The following EYA4 variants were observed in gnomAD, a reference collection of about 807,000 sequenced individuals.
The protein encoded by EYA4 is protein phosphatase EYA4.
In EYA4, 31 loss-of-function variants were observed where a neutral mutation model predicts 87.9. The observed-to-expected ratio is 0.35, with a 90% CI of 0.27 to 0.48. The LOEUF (loss-of-function observed/expected upper bound fraction) is 0.48, where lower values mean the gene tolerates loss of function less well. EYA4 is among the 20% of genes least tolerant of loss of function. The probability of loss-of-function intolerance (pLI) is 0.99; values close to 1 mark genes in which losing one functional copy is unlikely to be tolerated. For missense variants in EYA4, 678 were observed against 761.4 expected (o/e 0.89, Z 1.29); for synonymous variants, 263 against 270.6 (o/e 0.97, Z 0.28).
At chr6:133,443,758 A>AT (rs1389027469) in intron 3 of EYA4, among the ~76,000 whole-genome samples, 5 of 151,436 alleles carry the variant, frequency 3.3e-5, no homozygotes, top group Non-Finnish European at 5.9e-5. Flanking sequence ...TTTACTTGTG[A>AT]TTTTTTTTCC....
At chr6:133,446,999 A>C (rs1792912617) in intron 4 of EYA4, among the ~76,000 whole-genome samples, 1 of 152,164 alleles carries the variant, frequency 6.6e-6, no homozygotes, top group Non-Finnish European at 1.5e-5. Context: ...GGCCTTGAAC[A>C]AGGCTTTCTT....
chr6:133,268,094 A>G (rs1776373933), intron 1 of EYA4, among the ~76,000 whole-genome samples: 1 of 152,200 alleles, frequency 6.6e-6, no homozygotes, highest in Admixed American at 6.5e-5. Flanking sequence ...CAGTAACTGA[A>G]AGTGAACGCT....
chr6:133,394,652 GCA>G (rs1486930865), intron 3 of EYA4, among the ~76,000 whole-genome samples: 5 of 151,976 alleles, frequency 3.3e-5, no homozygotes, highest in Non-Finnish European at 7.4e-5. Context: ...CTTACTGAAT[GCA>G]CAGTTTTAAA....
At chr6:133,242,534 T>C (rs956518816) in intron 1 of EYA4, among the ~76,000 whole-genome samples, 1 of 152,044 alleles carries the variant, frequency 6.6e-6, no homozygotes, top group African/African-American at 2.4e-5. Flanking sequence ...GCCTGCTGGG[T>C]CTGGGGAGGC....
At chr6:133,446,793 C>A in intron 4 of EYA4, 39 bp downstream of exon 4, 1 of 1,602,762 alleles carries the variant, frequency 6.2e-7, no homozygotes, top group African/African-American at 1.3e-5. Flanking sequence ...AATCATATTT[C>A]AATGTTTGCT....
chr6:133,484,316 T>C (rs1167127791), intron 13 of EYA4, among the ~76,000 whole-genome samples: 1 of 152,254 alleles, frequency 6.6e-6, no homozygotes, highest in Non-Finnish European at 1.5e-5. Flanking sequence ...TTATAATATC[T>C]CATGCTCATG....
chr6:133,255,502 T>C (rs1775266358), intron 1 of EYA4, among the ~76,000 whole-genome samples: 1 of 152,186 alleles, frequency 6.6e-6, no homozygotes, highest in Non-Finnish European at 1.5e-5. Context: ...CTTAAAAAGT[T>C]TTAAAAATAC....
At chr6:133,363,804 CCGCTTT>C (rs1784650961) in intron 2 of EYA4, among the ~76,000 whole-genome samples, 1 of 152,140 alleles carries the variant, frequency 6.6e-6, no homozygotes, top group Admixed American at 6.5e-5. Flanking sequence ...CCTGATGTTC[CCGCTTT>C]CGGGTCCAGT....
chr6:133,298,393 C>G (rs1261288252), intron 2 of EYA4, among the ~76,000 whole-genome samples: 1 of 152,090 alleles, frequency 6.6e-6, no homozygotes, highest in Non-Finnish European at 1.5e-5. Flanking sequence ...GTACCTGTTC[C>G]TACAAGTGTC....
At chr6:133,513,187 T>A in intron 16 of EYA4, 149 bp downstream of exon 16, 1 of 782,964 alleles carries the variant, frequency 1.3e-6, no homozygotes, top group Non-Finnish European at 2.1e-6. Flanking sequence ...TTAGAATTGG[T>A]GGGAAAAAAT....
In EYA4 at chr6:133,375,162, C is replaced by T. The variant is rs1785580141; in HGVS notation, c.34-7230C>T. Among the ~76,000 whole-genome samples the T allele has an allele frequency of 1.3e-5, 2 of 151,928 alleles. 1 individual carries two copies. The highest frequency in any genetic ancestry group is 4.1e-4 in the South Asian group (2 of 4,830). The stretch of plus-strand genomic sequence containing the variant: ...TTTTTAGCCAGTTGAGAAAGTGCAT[C>T]TCCAAGTTTATATCCCTATGGGCCT... On this transcript the variant is annotated intron_variant, in intron 2 of 19. Transcript: ENST00000355286.
chr6:133,347,643 C>A (rs1247242869), intron 2 of EYA4, among the ~76,000 whole-genome samples: 1 of 152,166 alleles, frequency 6.6e-6, no homozygotes, highest in African/African-American at 2.4e-5. Context: ...CTGTTGCCAG[C>A]ATTTTTCATG....
intron 12 of EYA4, 78 bp from the exon 13 acceptor site, chr6:133,482,954 G>T: frequency 9.0e-7 from 1 of 1,116,808 alleles, no homozygotes; most frequent in Non-Finnish European, 1.4e-6. Flanking sequence ...CTCTAGGAAG[G>T]GAGACATTTT....
chr6:133,504,323 A>G (rs1310162125), intron 13 of EYA4, among the ~76,000 whole-genome samples: 1 of 152,218 alleles, frequency 6.6e-6, no homozygotes, highest in Non-Finnish European at 1.5e-5. Context: ...TCACTGGAAG[A>G]CGGATGAATC....
At chr6:133,342,851 T>G (rs923600275) in intron 2 of EYA4, among the ~76,000 whole-genome samples, 24 of 152,216 alleles carry the variant, frequency 1.6e-4, no homozygotes, top group Admixed American at 4.6e-4. Flanking sequence ...GATGCAATAT[T>G]TTAAAAATAT....
intron 1 of EYA4, among the ~76,000 whole-genome samples, chr6:133,257,553 C>A (rs143252607): frequency 1.2e-3 from 179 of 152,264 alleles, no homozygotes; most frequent in African/African-American, 4.1e-3. Flanking sequence ...ATTATACAAA[C>A]TACCACAGTA....
intron 17 of EYA4, among the ~76,000 whole-genome samples, chr6:133,518,484 T>G (rs182796283): frequency 1.3e-5 from 2 of 152,258 alleles, no homozygotes; most frequent in East Asian, 3.9e-4. Flanking sequence ...ACCCAATAGT[T>G]TTCACAAAAT....
intron 3 of EYA4, among the ~76,000 whole-genome samples, chr6:133,437,987 C>T (rs570511014): frequency 1.3e-5 from 2 of 152,102 alleles, no homozygotes; most frequent in Admixed American, 6.6e-5. Context: ...AACTGATACC[C>T]ATTAATCATT....
At chr6:133,401,958 G>T (rs1343312733) in intron 3 of EYA4, among the ~76,000 whole-genome samples, 1 of 152,114 alleles carries the variant, frequency 6.6e-6, no homozygotes, top group African/African-American at 2.4e-5. Context: ...TGGGTGAACT[G>T]TACTCTTTTT....
Sources: gnomAD v4.1 joint callset for allele counts (sites outside exome capture counted in the v4.1 genomes callset) on GRCh38, gnomAD v4.1.1 for gene constraint, MANE v1.5 for transcripts, NCBI Gene and HGNC (gene_info 2026-07-23, HGNC 2026-07-21) for gene names.